Variants in PTTG1IP2 observed in about 807,000 individuals in gnomAD.
The protein encoded by PTTG1IP2 is PTTG1IP family member 2.
At chr7:90,503,445 G>A in intron 6 of PTTG1IP2, among the ~76,000 whole-genome samples, 1 of 152,234 alleles carries the variant, frequency 6.6e-6, no homozygotes, top group East Asian at 1.9e-4. Flanking sequence ...TTTGGCACAA[G>A]AGGCCCAGCT....
rs565590821 is a variant in PTTG1IP2, at chr7:90,480,174, A to G, written c.192+900A>G. ...CCTCAACCCTGTGTAGTAAGACATC[A>G]CTTCTGTGGCATCTCTGAACCCTGC... On this transcript the variant is annotated intron_variant, in intron 2 of 6. Coordinates refer to ENST00000509356, the MANE Select transcript of PTTG1IP2 (RefSeq NM_001365443.2). Among the ~76,000 whole-genome samples the G allele has an allele frequency of 7.2e-5, 11 of 152,178 alleles. No individual in the cohort carries two copies. The South Asian group carries it at 2.3e-3, about 32-fold the overall frequency.
chr7:90,497,796 G>C (rs1251402500), intron 6 of PTTG1IP2, among the ~76,000 whole-genome samples: 13 of 142,040 alleles, frequency 9.2e-5, no homozygotes, highest in Admixed American at 6.5e-4. Flanking sequence ...CCATTGGATA[G>C]AACCCTGTGG....
At chr7:90,474,770 C>G (rs924196196) in intron 1 of PTTG1IP2, among the ~76,000 whole-genome samples, 19 of 152,126 alleles carry the variant, frequency 1.2e-4, no homozygotes, top group Non-Finnish European at 1.2e-4. Flanking sequence ...TATACATACA[C>G]CTAAATCTTA....
At chr7:90,508,151 C>T (rs920436561) in intron 6 of PTTG1IP2, among the ~76,000 whole-genome samples, 1 of 151,292 alleles carries the variant, frequency 6.6e-6, no homozygotes, top group African/African-American at 2.4e-5. Flanking sequence ...CCTATAGTCC[C>T]AGTGACTTGG....
chr7:90,503,241 G>C (rs551522208), intron 6 of PTTG1IP2, among the ~76,000 whole-genome samples: 43 of 152,308 alleles, frequency 2.8e-4, no homozygotes, highest in African/African-American at 1.0e-3. Context: ...GAATTGAAGA[G>C]AGTTAGGGCC....
intron 6 of PTTG1IP2, among the ~76,000 whole-genome samples, chr7:90,504,739 G>A (rs1584700910): frequency 6.6e-6 from 1 of 152,106 alleles, no homozygotes; most frequent in African/African-American, 2.4e-5. Flanking sequence ...AAATAAAACA[G>A]CTGAAAGAAG....
intron 6 of PTTG1IP2, among the ~76,000 whole-genome samples, chr7:90,502,812 G>A (rs1281503628): frequency 6.6e-6 from 1 of 152,188 alleles, no homozygotes; most frequent in African/African-American, 2.4e-5. Context: ...GTGCGGGCAA[G>A]TAGATTTAGC....
chr7:90,478,894 C>T (rs903754348), intron 1 of PTTG1IP2, among the ~76,000 whole-genome samples: 1 of 151,470 alleles, frequency 6.6e-6, no homozygotes, highest in African/African-American at 2.4e-5. Flanking sequence ...GCAATACCAT[C>T]CTGAATAACA....
intron 1 of PTTG1IP2, among the ~76,000 whole-genome samples, chr7:90,473,935 T>G (rs945507879): frequency 1.3e-5 from 2 of 152,238 alleles, no homozygotes; most frequent in Non-Finnish European, 2.9e-5. Flanking sequence ...AGTTAATCTG[T>G]GTTATGCACT....
At chr7:90,510,502 T>C (rs937940350) in intron 6 of PTTG1IP2, among the ~76,000 whole-genome samples, 2 of 151,724 alleles carry the variant, frequency 1.3e-5, no homozygotes, top group African/African-American at 4.8e-5. Context: ...GCTTTATTTG[T>C]GTGTGTGTGT....
chr7:90,478,828 AT>A (rs56214708), intron 1 of PTTG1IP2, among the ~76,000 whole-genome samples: 14,042 of 145,412 alleles, frequency 0.097, 766 homozygotes, highest in Middle Eastern at 0.22. Flanking sequence ...TAGGGAATTA[AT>A]TTTTTTTTTT....
intron 6 of PTTG1IP2, among the ~76,000 whole-genome samples, chr7:90,505,671 T>C (rs1798115158): frequency 6.6e-6 from 1 of 152,134 alleles, no homozygotes; most frequent in African/African-American, 2.4e-5. Flanking sequence ...GAAATGTCAG[T>C]TCCTGGTTGG....
intron 6 of PTTG1IP2, among the ~76,000 whole-genome samples, chr7:90,498,208 G>T (rs912053911): frequency 6.6e-6 from 1 of 152,066 alleles, no homozygotes; most frequent in Admixed American, 6.5e-5. Flanking sequence ...TGTATTTTTA[G>T]TAGAGACGGG....
chr7:90,492,453 A>C (rs1797949412), intron 5 of PTTG1IP2, 144 bp downstream of exon 5: 1 of 152,252 alleles, frequency 6.6e-6, no homozygotes, highest in Non-Finnish European at 1.5e-5. Flanking sequence ...TGAAAGGCCA[A>C]GGTGGGAGGA....
At chr7:90,511,344 T>C (rs1290819005) in intron 6 of PTTG1IP2, among the ~76,000 whole-genome samples, 1 of 152,186 alleles carries the variant, frequency 6.6e-6, no homozygotes, top group Non-Finnish European at 1.5e-5. Context: ...CACAGTAACT[T>C]TTAAACCTTG....
At chr7:90,508,824 C>T (rs1251720317) in intron 6 of PTTG1IP2, among the ~76,000 whole-genome samples, 1 of 152,178 alleles carries the variant, frequency 6.6e-6, no homozygotes, top group African/African-American at 2.4e-5. Flanking sequence ...TGTGCTGAAA[C>T]GTAGCGTGGT....
At chr7:90,474,777 CT>C (rs1267180686) in intron 1 of PTTG1IP2, among the ~76,000 whole-genome samples, 6 of 152,156 alleles carry the variant, frequency 3.9e-5, no homozygotes, top group Non-Finnish European at 8.8e-5. Flanking sequence ...ACACCTAAAT[CT>C]TAACTTGATT....
intron 5 of PTTG1IP2, among the ~76,000 whole-genome samples, chr7:90,493,544 G>T (rs1562987393): frequency 6.6e-6 from 1 of 152,178 alleles, no homozygotes; most frequent in Non-Finnish European, 1.5e-5. Context: ...AAGAGCACAA[G>T]GTTAGGTATT....
chr7:90,509,366 G>A (rs139265127), intron 6 of PTTG1IP2, among the ~76,000 whole-genome samples: 1 of 152,082 alleles, frequency 6.6e-6, no homozygotes, highest in Non-Finnish European at 1.5e-5. Context: ...GTTAGAATTG[G>A]CAAGTCCTGG....
Sources: gnomAD v4.1 joint callset for allele counts (sites outside exome capture counted in the v4.1 genomes callset) on GRCh38, gnomAD v4.1.1 for gene constraint, MANE v1.5 for transcripts, NCBI Gene and HGNC (gene_info 2026-07-23, HGNC 2026-07-21) for gene names.